DNM2: variants seen among roughly 807,000 people sequenced by gnomAD.
DNM2 encodes the protein dynamin-2.
DNM2 carries 15 observed loss-of-function variants against 99.0 expected under a neutral mutation model. The observed-to-expected ratio is 0.15, with a 90% CI of 0.10 to 0.23. The LOEUF (loss-of-function observed/expected upper bound fraction) is 0.23. Among genes scored for constraint, DNM2 ranks in the 10% least tolerant of loss-of-function variants. The pLI is 1.00. For synonymous variants in DNM2, 525 were observed against 481.2 expected (o/e 1.09, Z -1.19); for missense variants, 742 against 1,189.4 (o/e 0.62, Z 5.53).
chr19:10,720,260 T>C (rs902286240), intron 1 of DNM2, among the ~76,000 whole-genome samples: 1 of 151,388 alleles, frequency 6.6e-6, no homozygotes, highest in Non-Finnish European at 1.5e-5. Context: ...TCATCCAGTC[T>C]GGAGTGCAGT....
rs1599615709 is a variant in DNM2, at chr19:10,818,052, T to C, written c.1672-1928T>C. 1.4e-5 allele frequency among the ~76,000 whole-genome samples: 2 copies of C among 147,968 alleles called. No homozygotes were observed. The highest frequency in any genetic ancestry group is 2.1e-4 in the East Asian group (1 of 4,844). The stretch of plus-strand genomic sequence containing the variant: ...AGGGCTTCTGCAGAGCCCCCTCCCC[T>C]AGCCCCTTCTAAAGCCCCCAAAACT... On this transcript the variant is annotated intron_variant, in intron 15 of 20. Transcript: ENST00000389253. The surrounding 1 kb of genome is among the most constrained non-coding windows in gnomAD (Gnocchi z 4.3).
intron 18 of DNM2, among the ~76,000 whole-genome samples, chr19:10,828,809 T>A (rs1193254955): frequency 6.9e-6 from 1 of 144,656 alleles, no homozygotes; most frequent in Admixed American, 6.9e-5. Context: ...CCTGTCGTCC[T>A]AGCTACTTGG....
intron 1 of DNM2, among the ~76,000 whole-genome samples, chr19:10,756,111 T>TGTCCACTGTGACTACTGTGACG (rs1272674915): frequency 2.0e-5 from 3 of 152,178 alleles, no homozygotes; most frequent in Non-Finnish European, 4.4e-5. Context: ...GACAGCCTGG[T>TGTCCACTGTGACTACTGTGACG]GTCCACTGTG....
chr19:10,801,254 C>T (rs145863666), intron 11 of DNM2, among the ~76,000 whole-genome samples: 3,004 of 151,892 alleles, frequency 0.02, 50 homozygotes, highest in African/African-American at 0.029. Context: ...TGCAGTGAGC[C>T]GAGATTACGC....
rs953277973 is a variant in DNM2 at position 10,764,588 on chromosome 19, C to A, written c.235+4777C>A. Among the ~76,000 whole-genome samples, 1 of 152,216 alleles carries A rather than the reference C, an allele frequency of 6.6e-6. No homozygotes were observed. Among genetic ancestry groups the A allele is most frequent in the African/African-American group, 2.4e-5 (1 of 41,452 alleles). On this transcript the variant is annotated intron_variant, in intron 2 of 20. Transcript: ENST00000389253. This position sits in a 1 kb window ranked among gnomAD's most constrained non-coding sequence, Gnocchi z 4.1. ...GGCCCTGTGAACCACCCCTCCCCACCGCCCTTGGCCTTGAACTGGCCTTTG... is the reference window on the plus strand; with the variant it reads ...GGCCCTGTGAACCACCCCTCCCCACAGCCCTTGGCCTTGAACTGGCCTTTG...
chr19:10,824,758 GTGTT>G, intron 17 of DNM2: 1 of 446,254 alleles, frequency 2.2e-6, no homozygotes, highest in Non-Finnish European at 4.2e-6. Context: ...GCGGTGAACT[GTGTT>G]TGTGCCACTG....
At chr19:10,733,740 C>T (rs937058962) in intron 1 of DNM2, among the ~76,000 whole-genome samples, 1 of 152,018 alleles carries the variant, frequency 6.6e-6, no homozygotes, top group Non-Finnish European at 1.5e-5. Flanking sequence ...GACATGGTGG[C>T]TCACGCCTGT....
intron 7 of DNM2, 177 bp downstream of exon 7, chr19:10,786,883 G>A: frequency 2.2e-6 from 3 of 1,355,288 alleles, no homozygotes; most frequent in Admixed American, 4.1e-5. Context: ...CCCAGTGGAG[G>A]GGACAGGTGT....
At chr19:10,757,367 T>TC (rs928218336) in intron 1 of DNM2, among the ~76,000 whole-genome samples, 37 of 151,374 alleles carry the variant, frequency 2.4e-4, no homozygotes, top group Admixed American at 4.6e-4. Flanking sequence ...AGAGCACATC[T>TC]CCCCCCCGAC....
intron 1 of DNM2, among the ~76,000 whole-genome samples, chr19:10,733,639 G>A (rs192400418): frequency 1.4e-4 from 22 of 152,264 alleles, no homozygotes; most frequent in African/African-American, 5.3e-4. Context: ...AGCTACTCAG[G>A]AGGCTGAGGC....
chr19:10,779,723 T>A (rs566915106), intron 5 of DNM2, among the ~76,000 whole-genome samples: 2 of 152,114 alleles, frequency 1.3e-5, no homozygotes, highest in South Asian at 4.1e-4. Context: ...TTCATTCTTG[T>A]TGCCCAGGCT....
Position 10,773,641 on chromosome 19 carries a change from T to A in DNM2, c.385+1013T>A, listed in dbSNP as rs1023229954. ...TTTTTTTTTTATTTTTTATTTTTTT[T>A]ATTTTTAGTAGAGACGGGGTTTCAC... On this transcript the variant is annotated intron_variant, in intron 3 of 20. Coordinates refer to ENST00000389253, the MANE Select transcript of DNM2 (RefSeq NM_001005361.3). Among the ~76,000 whole-genome samples, 3 of 151,912 alleles carry A rather than the reference T, an allele frequency of 2.0e-5. No individual in the cohort carries two copies. The East Asian group carries it at 5.8e-4, about 29-fold the overall frequency.
chr19:10,782,867 G>A, intron 5 of DNM2, 93 bp from the exon 6 acceptor site: 1 of 1,567,472 alleles, frequency 6.4e-7, no homozygotes, highest in Non-Finnish European at 8.8e-7. Flanking sequence ...CGTGGGACAG[G>A]ATCCATCTCT....
In DNM2 at chr19:10,812,867, G is replaced by A. The variant is rs1012102339; in HGVS notation, c.1671+490G>A. Among the ~76,000 whole-genome samples, 1 of 151,598 alleles carries A rather than the reference G, an allele frequency of 6.6e-6. No homozygotes were observed. The highest frequency in any genetic ancestry group is 2.4e-5 in the African/African-American group (1 of 41,398). On this transcript the variant is annotated intron_variant, in intron 15 of 20. Coordinates refer to ENST00000389253, the MANE Select transcript of DNM2 (RefSeq NM_001005361.3). The surrounding 1 kb of genome is among the most constrained non-coding windows in gnomAD (Gnocchi z 4.0). ...CACCATGTGCCAAAAGGCTTACATTGTACCTGGCCCCCATGGGACCAGCTC... is the reference window on the plus strand; with the variant it reads ...CACCATGTGCCAAAAGGCTTACATTATACCTGGCCCCCATGGGACCAGCTC...
intron 2 of DNM2, among the ~76,000 whole-genome samples, chr19:10,761,973 T>C (rs1007958855): frequency 6.6e-6 from 1 of 152,218 alleles, no homozygotes; most frequent in Non-Finnish European, 1.5e-5. Context: ...AGAGTCACTA[T>C]AGAAATCAGT....
In DNM2 at chr19:10,811,942, T is replaced by G; in HGVS notation, c.1558-322T>G. The G allele has an allele frequency of 2.2e-6, 1 of 457,820 alleles. No individual in the cohort carries two copies. Among genetic ancestry groups the G allele is most frequent in the Non-Finnish European group, 4.4e-6 (1 of 228,988 alleles). The allele number at this position is 457,820 out of a possible 1,614,324, so 28.4% of individuals were successfully genotyped here. On this transcript the variant is annotated intron_variant, in intron 14 of 20. Coordinates refer to ENST00000389253, the MANE Select transcript of DNM2 (RefSeq NM_001005361.3). The surrounding 1 kb of genome is among the most constrained non-coding windows in gnomAD (Gnocchi z 5.4). ...CAAGTGCAGTTCCTCAGATGTCACA[T>G]TTCATGTGCCACAGCCCCACACACA...
intron 6 of DNM2, 73 bp downstream of exon 6, chr19:10,783,193 GC>G (rs1167388706): frequency 1.9e-6 from 3 of 1,589,350 alleles, no homozygotes; most frequent in African/African-American, 1.3e-5. Context: ...ATCCTCACTG[GC>G]ACTTGTTTCA....
intron 7 of DNM2, among the ~76,000 whole-genome samples, chr19:10,788,028 T>A (rs2071625149): frequency 6.6e-6 from 1 of 151,040 alleles, no homozygotes; most frequent in Non-Finnish European, 1.5e-5. Context: ...GGTCCGGAGT[T>A]CAAGACCAGC....
At chr19:10,797,330 C>T in intron 9 of DNM2, 50 bp from the exon 10 acceptor site, 2 of 1,607,300 alleles carry the variant, frequency 1.2e-6, no homozygotes, top group South Asian at 2.2e-5. Flanking sequence ...GTGTGGCCTG[C>T]ACTGTCCCTG....
Sources: gnomAD v4.1 joint callset for allele counts (sites outside exome capture counted in the v4.1 genomes callset) on GRCh38, gnomAD v4.1.1 for gene constraint, Gnocchi (gnomAD v3.1) non-coding constraint, MANE v1.5 for transcripts, NCBI Gene and HGNC (gene_info 2026-07-23, HGNC 2026-07-21) for gene names.